Variants in ALAS2 observed in about 807,000 individuals in gnomAD.
ALAS2 encodes 5'-aminolevulinate synthase 2, also known as 5-aminolevulinate synthase, erythroid-specific, mitochondrial.
ALAS2 carries 3 observed loss-of-function variants against 33.7 expected under a neutral mutation model. The observed-to-expected ratio is 0.09, with a 90% CI of 0.04 to 0.23. The LOEUF (loss-of-function observed/expected upper bound fraction) is 0.23. ALAS2 is among the 10% of genes least tolerant of loss of function. ALAS2 has a pLI of 1.00. For missense variants in ALAS2, 304 were observed against 475.1 expected, an observed-to-expected ratio of 0.64 and a Z score of 3.35; for synonymous variants, 191 against 177.3, an observed-to-expected ratio of 1.08 and a Z score of -0.61.
chrX:55,027,158 A>G (rs1935906361), intron 1 of ALAS2, among the ~76,000 whole-genome samples: 1 of 111,173 alleles, frequency 9.0e-6, no homozygotes, highest in African/African-American at 3.3e-5. Flanking sequence ...GGACATGAGG[A>G]GGGATCAATG....
rs748489840 is a variant in ALAS2 at position 55,009,296 on chromosome X, C to A, written c.1648G>T (p.Val550Leu). The A allele has an allele frequency of 1.7e-6, 2 of 1,205,224 alleles. No individual in the cohort carries two copies. Among genetic ancestry groups the A allele is most frequent in the Non-Finnish European group, 2.2e-6 (2 of 892,430 alleles). The change falls in exon 11 of 11, where the codon GTG (valine) becomes TTG (leucine). Residue 550 changes from valine to leucine, a missense_variant. By Grantham distance (32) the Val-to-Leu change is conservative (BLOSUM62 1). Transcript: ENST00000650242. Reference sequence around the variant, plus strand: ...CAGAAATTGCAGGCAGCCACAGACACATCCTGGAGGGGCAGCCCCACCGCA... The same window carrying A: ...CAGAAATTGCAGGCAGCCACAGACAAATCCTGGAGGGGCAGCCCCACCGCA... ...WTAVGLPLQD[V>L]SVAACNFCRR...
At position 55,014,993 on chromosome X, in the gene ALAS2, G is replaced by A. The variant is rs1363266408; in HGVS notation, c.1191C>T (p.Gly397=). The change falls in exon 9 of 11, where the codon GGC becomes GGT. Residue 397 remains glycine, a synonymous_variant. Coordinates refer to ENST00000650242, the MANE Select transcript of ALAS2 (RefSeq NM_000032.5). The part of the protein sequence containing the change: ...GTLGKAFGCV[G]GYIASTRDLV... Reference sequence around the variant, plus strand: ...AGTCACGGGTGCTGGCAATGTAGCCGCCCACACAGCCAAAGGCCTTGCCTG... The same window carrying A: ...AGTCACGGGTGCTGGCAATGTAGCCACCCACACAGCCAAAGGCCTTGCCTG... 4 of 1,210,238 alleles carry A rather than the reference G, an allele frequency of 3.3e-6. No homozygotes were observed. Among genetic ancestry groups the A allele is most frequent in the Non-Finnish European group, 3.4e-6 (3 of 894,751 alleles).
intron 7 of ALAS2, among the ~76,000 whole-genome samples, chrX:55,016,985 C>G (rs1236681755): frequency 8.9e-6 from 1 of 111,773 alleles, no homozygotes; most frequent in Non-Finnish European, 1.9e-5. Flanking sequence ...GAAAAAAATC[C>G]TAGGCAATGG....
chrX:55,019,372 C>T (rs765870376), intron 6 of ALAS2, among the ~76,000 whole-genome samples: 30 of 111,276 alleles, frequency 2.7e-4, no homozygotes, highest in African/African-American at 8.5e-4. Flanking sequence ...TTTGAAGATG[C>T]TTATGAGTTT....
rs775350002 is a variant in ALAS2, at chrX:55,013,511, G to T, written c.1575C>A (p.Ser525Arg). The change falls in exon 10 of 11, where the codon AGC (serine) becomes AGA (arginine). Residue 525 changes from serine to arginine, a missense_variant. Ser to Arg is a moderately radical substitution (Grantham distance 110). Around this residue, in one of 3 missense-constraint regions of ALAS2, gnomAD observed 95 missense variants for 127.0 expected, o/e 0.75. Coordinates refer to ENST00000650242, the MANE Select transcript of ALAS2 (RefSeq NM_000032.5). ...CCACAAAATCTTCCATCATCTGAGGGCTGTGGTGGGGGGAGGGTGCCAAGC... is the reference window on the plus strand; with the variant it reads ...CCACAAAATCTTCCATCATCTGAGGTCTGTGGTGGGGGGAGGGTGCCAAGC... ...LLRLAPSPHH[S>R]PQMMEDFVEK... The T allele has an allele frequency of 1.7e-6, 2 of 1,209,247 alleles. No homozygotes were observed. The highest frequency in any genetic ancestry group is 2.2e-6 in the Non-Finnish European group (2 of 894,838).
At chrX:55,026,069 C>G (rs1208080406) in intron 1 of ALAS2, 54 bp from the exon 2 acceptor site, 1 of 1,111,967 alleles carries the variant, frequency 9.0e-7, no homozygotes, top group Non-Finnish European at 1.2e-6. Flanking sequence ...GGCAAAAAGC[C>G]AAGCCTTTGA....
intron 4 of ALAS2, among the ~76,000 whole-genome samples, chrX:55,021,735 C>A (rs1935809912): frequency 8.9e-6 from 1 of 111,975 alleles, no homozygotes; most frequent in African/African-American, 3.2e-5. Context: ...TTGTGAGCAT[C>A]TGACAACCAA....
chrX:55,022,293 C>T (rs1418138822), intron 4 of ALAS2, among the ~76,000 whole-genome samples: 1 of 111,583 alleles, frequency 9.0e-6, no homozygotes, highest in Admixed American at 9.6e-5. Context: ...AATGCACATA[C>T]TGACATATCT....
At chrX:55,027,723 TCTC>T in intron 1 of ALAS2, 1 of 1,205,720 alleles carries the variant, frequency 8.3e-7, no homozygotes, top group Non-Finnish European at 1.1e-6. Flanking sequence ...CCCTTCCTGA[TCTC>T]ATAGAACAAG....
intron 3 of ALAS2, among the ~76,000 whole-genome samples, 165 bp from the exon 4 acceptor site, chrX:55,024,032 C>T (rs1935850876): frequency 8.9e-6 from 1 of 111,790 alleles, no homozygotes; most frequent in Non-Finnish European, 1.9e-5. Flanking sequence ...TTCTATTTAT[C>T]CCCCCGAATG....
intron 6 of ALAS2, among the ~76,000 whole-genome samples, chrX:55,018,277 C>T (rs1648252575): frequency 9.0e-6 from 1 of 111,558 alleles, no homozygotes; most frequent in Non-Finnish European, 1.9e-5. Context: ...CTGGGCAATC[C>T]TGGTGGGGCA....
At chrX:55,012,649 T>C (rs933232177) in intron 10 of ALAS2, among the ~76,000 whole-genome samples, 2 of 111,417 alleles carry the variant, frequency 1.8e-5, no homozygotes, top group African/African-American at 6.5e-5. Flanking sequence ...TAGCTAGGCA[T>C]GGTGGCACGT....
At chrX:55,029,122 A>G (rs997707117) in intron 1 of ALAS2, among the ~76,000 whole-genome samples, 2 of 111,927 alleles carry the variant, frequency 1.8e-5, no homozygotes, top group African/African-American at 6.5e-5. Flanking sequence ...TATTTTCTCC[A>G]TTTCCCATGT....
intron 7 of ALAS2, 57 bp downstream of exon 7, chrX:55,017,429 T>A: frequency 9.8e-7 from 1 of 1,018,836 alleles, no homozygotes; most frequent in Non-Finnish European, 1.4e-6. Flanking sequence ...ATCATCATGA[T>A]CATCATGGTT....
chrX:55,027,998 A>T (rs751822491), intron 1 of ALAS2: 1 of 447,334 alleles, frequency 2.2e-6, no homozygotes, highest in East Asian at 3.9e-5. Context: ...CTCCAATTTC[A>T]TTGTTGGATG....
chrX:55,012,587 G>T lies in ALAS2; in HGVS notation c.1600+899C>A, dbSNP rs752705138. ...GTGGATTACGAGGTCAGGAGTTCGA[G>T]ACTAGCCTGGCCAACATGGTGAAAC... On this transcript the variant is annotated intron_variant, in intron 10 of 10. Transcript: ENST00000650242. Among the ~76,000 whole-genome samples the T allele has an allele frequency of 1.5e-3, 168 of 112,287 alleles. 1 individual carries two copies. The highest frequency in any genetic ancestry group is 5.2e-3 in the African/African-American group (160 of 30,917).
At chrX:55,029,882 G>A (rs1602255982) in intron 1 of ALAS2, among the ~76,000 whole-genome samples, 1 of 111,096 alleles carries the variant, frequency 9.0e-6, no homozygotes, top group East Asian at 2.8e-4. Context: ...TCCCAGAGGT[G>A]AAAAGGGCCA....
intron 10 of ALAS2, among the ~76,000 whole-genome samples, chrX:55,010,536 A>G (rs956880870): frequency 9.0e-6 from 1 of 110,856 alleles, no homozygotes; most frequent in Non-Finnish European, 1.9e-5. Context: ...TTCCTCAAAT[A>G]TAAAAGGAAT....
chrX:55,023,732 T>C (rs748465800), intron 4 of ALAS2, 25 bp downstream of exon 4: 2 of 1,146,676 alleles, frequency 1.7e-6, no homozygotes, highest in Non-Finnish European at 2.4e-6. Flanking sequence ...TCCGGTCCCC[T>C]TTTTTTCCAC....
Sources: gnomAD v4.1 joint callset for allele counts (sites outside exome capture counted in the v4.1 genomes callset) on GRCh38, gnomAD v4.1.1 for gene constraint, gnomAD v4.1.1 regional missense constraint, MANE v1.5 for transcripts, NCBI Gene and HGNC (gene_info 2026-07-23, HGNC 2026-07-21) for gene names.